Variants in PTPRK observed in about 807,000 individuals in gnomAD.
PTPRK encodes the protein receptor-type tyrosine-protein phosphatase kappa.
PTPRK carries 75 observed loss-of-function variants against 178.0 expected under a neutral mutation model. The ratio of observed to expected loss-of-function variants is 0.42; its 90% CI spans 0.35 to 0.51. PTPRK has a LOEUF of 0.51. Among genes scored for constraint, PTPRK ranks in the 20% least tolerant of loss-of-function variants. PTPRK has a pLI of 0.02. For synonymous variants in PTPRK, 637 were observed against 620.6 expected, an observed-to-expected ratio of 1.03 and a Z score of -0.39; for missense variants, 1,441 against 1,797.8, an observed-to-expected ratio of 0.80 and a Z score of 3.59.
intron 13 of PTPRK, among the ~76,000 whole-genome samples, chr6:128,017,816 A>G (rs1401586027): frequency 7.2e-6 from 1 of 138,132 alleles, no homozygotes; most frequent in African/African-American, 2.6e-5. Context: ...ATATATATAT[A>G]TATATATATA....
In PTPRK at chr6:128,082,633, G is replaced by C; in HGVS notation, c.1581C>G (p.Ser527Arg). 1 of 1,601,956 alleles carries C rather than the reference G, an allele frequency of 6.2e-7. No individual in the cohort carries two copies. The highest frequency in any genetic ancestry group is 8.5e-7 in the Non-Finnish European group (1 of 1,170,706). The change falls in exon 10 of 30, where the codon AGC (serine) becomes AGG (arginine). Residue 527 changes from serine to arginine, a missense_variant. Ser to Arg is a moderately radical substitution (Grantham distance 110). Around this residue, in one of 4 missense-constraint regions of PTPRK, gnomAD observed 945 missense variants for 1,080.6 expected, o/e 0.87. Transcript: ENST00000368226. The stretch of plus-strand genomic sequence containing the variant: ...GATCAAATGATCTTATACTGCTATA[G>C]CTGATCTGTTTTAAGAAATACATTT... ...PNGIITQYEI[S>R]YSSIRSFDPA...
chr6:128,376,213 G>A (rs1837049953), intron 2 of PTPRK, among the ~76,000 whole-genome samples: 2 of 152,168 alleles, frequency 1.3e-5, no homozygotes, highest in African/African-American at 2.4e-5. Flanking sequence ...AGTTCTCCAT[G>A]AGGGCCCCAC....
chr6:127,995,972 A>C (rs1326939150), intron 17 of PTPRK, among the ~76,000 whole-genome samples: 2 of 152,116 alleles, frequency 1.3e-5, no homozygotes, highest in Non-Finnish European at 2.9e-5. Context: ...CCTGAGAATC[A>C]AGGTTAGATT....
chr6:128,420,278 A>C (rs538731219), intron 1 of PTPRK, among the ~76,000 whole-genome samples: 4 of 152,322 alleles, frequency 2.6e-5, no homozygotes, highest in Admixed American at 6.5e-5. Flanking sequence ...AATTCTTGGA[A>C]TGATCCTTTT....
At chr6:128,056,272 G>C (rs185583735) in intron 13 of PTPRK, among the ~76,000 whole-genome samples, 21 of 151,966 alleles carry the variant, frequency 1.4e-4, no homozygotes, top group Admixed American at 1.3e-3. Flanking sequence ...TTTTTAAGGG[G>C]CCTAAGGTCA....
chr6:128,492,900 C>T (rs751655234), intron 1 of PTPRK, among the ~76,000 whole-genome samples: 1 of 152,162 alleles, frequency 6.6e-6, no homozygotes, highest in Non-Finnish European at 1.5e-5. Context: ...TTGGATAGCC[C>T]CCTTGTGCTT....
At chr6:128,016,709 A>T (rs1178275138) in intron 13 of PTPRK, among the ~76,000 whole-genome samples, 1 of 151,902 alleles carries the variant, frequency 6.6e-6, no homozygotes, top group African/African-American at 2.4e-5. Flanking sequence ...AGCTCCTTCA[A>T]AGCTGAGTTT....
At chr6:128,033,239 T>C (rs963496190) in intron 13 of PTPRK, among the ~76,000 whole-genome samples, 5 of 152,178 alleles carry the variant, frequency 3.3e-5, no homozygotes, top group Non-Finnish European at 7.3e-5. Flanking sequence ...AGAACTAAGC[T>C]TTTAATTTGA....
chr6:127,979,652 C>T (rs866968935), intron 25 of PTPRK, among the ~76,000 whole-genome samples: 15 of 152,278 alleles, frequency 9.9e-5, no homozygotes, highest in South Asian at 4.1e-4. Context: ...TAGACTATTC[C>T]GCTTTGCAGC....
intron 24 of PTPRK, among the ~76,000 whole-genome samples, chr6:127,982,269 T>G (rs1775433043): frequency 6.6e-6 from 1 of 152,052 alleles, no homozygotes; most frequent in African/African-American, 2.4e-5. Context: ...TTTTGACTTG[T>G]TATTATTTCT....
intron 2 of PTPRK, among the ~76,000 whole-genome samples, chr6:128,333,482 T>A (rs1830527133): frequency 6.6e-6 from 1 of 151,958 alleles, no homozygotes; most frequent in South Asian, 2.1e-4. Flanking sequence ...TAGCATCATG[T>A]CTAAAAAAAA....
rs756697167 is a variant in PTPRK, at chr6:128,082,618, T to C, written c.1596A>G (p.Arg532=). ...CCACTGGAACTGCAGGATCAAATGA[T>C]CTTATACTGCTATAGCTGATCTGTT... The part of the protein sequence containing the change: ...TQYEISYSSI[R]SFDPAVPVAG... The change falls in exon 10 of 30, where the codon AGA becomes AGG. Residue 532 remains arginine, a synonymous_variant. Transcript: ENST00000368226. 3 of 1,610,258 alleles carry C rather than the reference T, an allele frequency of 1.9e-6. No homozygotes were observed. The highest frequency in any genetic ancestry group is 2.5e-6 in the Non-Finnish European group (3 of 1,176,882).
chr6:128,168,033 C>T (rs1799666055), intron 7 of PTPRK, among the ~76,000 whole-genome samples: 1 of 151,934 alleles, frequency 6.6e-6, no homozygotes, highest in Non-Finnish European at 1.5e-5. Context: ...AAACATTATC[C>T]TAAAAGCAGA....
intron 7 of PTPRK, among the ~76,000 whole-genome samples, chr6:128,120,437 C>T (rs1201045929): frequency 6.6e-6 from 1 of 151,916 alleles, no homozygotes; most frequent in Non-Finnish European, 1.5e-5. Flanking sequence ...ATATAGTAAT[C>T]CCACTACTGG....
intron 3 of PTPRK, among the ~76,000 whole-genome samples, chr6:128,299,540 C>T (rs937828221): frequency 1.3e-5 from 2 of 150,924 alleles, no homozygotes; most frequent in Non-Finnish European, 3.0e-5. Flanking sequence ...ATCAATGGAA[C>T]AGAACAGAGC....
At chr6:128,491,626 T>C (rs1853784826) in intron 1 of PTPRK, 2 of 394,566 alleles carry the variant, frequency 5.1e-6, no homozygotes, top group East Asian at 1.5e-4. Flanking sequence ...GTGGTGAGAA[T>C]ATGAGATTAA....
At chr6:128,428,378 C>A (rs951710129) in intron 1 of PTPRK, among the ~76,000 whole-genome samples, 1 of 152,170 alleles carries the variant, frequency 6.6e-6, no homozygotes, top group Non-Finnish European at 1.5e-5. Flanking sequence ...TAAAGCCTAT[C>A]GTTATCTATT....
At chr6:128,253,601 A>G (rs76060572) in intron 3 of PTPRK, among the ~76,000 whole-genome samples, 2 of 152,184 alleles carry the variant, frequency 1.3e-5, no homozygotes, top group Admixed American at 1.3e-4. Context: ...ACAATCCACA[A>G]GCAGAACCTT....
chr6:128,277,188 A>G (rs1820852448), intron 3 of PTPRK, among the ~76,000 whole-genome samples: 1 of 152,222 alleles, frequency 6.6e-6, no homozygotes, highest in Non-Finnish European at 1.5e-5. Context: ...GTAATTCAAT[A>G]AAACAAACAT....
Sources: gnomAD v4.1 joint callset for allele counts (sites outside exome capture counted in the v4.1 genomes callset) on GRCh38, gnomAD v4.1.1 for gene constraint, gnomAD v4.1.1 regional missense constraint, MANE v1.5 for transcripts, NCBI Gene and HGNC (gene_info 2026-07-23, HGNC 2026-07-21) for gene names.